Variants in TEX11 observed in about 807,000 individuals in gnomAD.
TEX11 encodes testis-expressed protein 11.
Under a neutral mutation model 84.4 loss-of-function variants are expected in TEX11, and 7 were observed. That is an observed-to-expected ratio of 0.08 (90% CI 0.05 to 0.16). The LOEUF is 0.16. Ranked by LOEUF, TEX11 falls within the 10% of genes least tolerant of loss-of-function variation. The probability of loss-of-function intolerance (pLI) is 1.00; values close to 1 mark genes in which losing one functional copy is unlikely to be tolerated. For missense variants in TEX11, 551 were observed against 660.5 expected (o/e 0.83, Z 1.82); for synonymous variants, 264 against 222.8 (o/e 1.18, Z -1.64).
intron 11 of TEX11, among the ~76,000 whole-genome samples, chrX:70,726,060 T>C (rs2090597929): frequency 8.9e-6 from 1 of 112,411 alleles, no homozygotes; most frequent in Non-Finnish European, 1.9e-5. Flanking sequence ...GGCTTGCAAA[T>C]ATAGATGACA....
intron 8 of TEX11, among the ~76,000 whole-genome samples, chrX:70,815,170 C>T (rs1217351092): frequency 8.9e-6 from 1 of 112,069 alleles, no homozygotes; most frequent in East Asian, 2.8e-4. Flanking sequence ...AGATCATGAG[C>T]ATTGTCTTGA....
At chrX:70,583,107 T>C (rs1419400333) in intron 25 of TEX11, among the ~76,000 whole-genome samples, 1 of 111,515 alleles carries the variant, frequency 9.0e-6, no homozygotes, top group African/African-American at 3.3e-5. Flanking sequence ...TTTATTTTTA[T>C]TTTTAATTTA....
At chrX:70,809,845 C>T (rs190209072) in intron 8 of TEX11, among the ~76,000 whole-genome samples, 324 of 111,033 alleles carry the variant, frequency 2.9e-3, no homozygotes, top group African/African-American at 7.6e-3. Flanking sequence ...TACAGGCACC[C>T]GCCACCAAGC....
intron 28 of TEX11, among the ~76,000 whole-genome samples, chrX:70,531,813 T>C (rs1022474441): frequency 5.4e-5 from 6 of 111,793 alleles, no homozygotes; most frequent in African/African-American, 2.0e-4. Context: ...ATGAACTAAA[T>C]CTCAATTAAA....
At chrX:70,907,246 GA>G (rs202010532) in intron 2 of TEX11, among the ~76,000 whole-genome samples, 2 of 106,136 alleles carry the variant, frequency 1.9e-5, no homozygotes, top group African/African-American at 6.9e-5. Context: ...TAAAAATCCT[GA>G]AAAAAAAACA....
intron 9 of TEX11, among the ~76,000 whole-genome samples, chrX:70,801,788 CT>C (rs1323346753): frequency 1.1e-4 from 12 of 109,220 alleles, no homozygotes. Flanking sequence ...ATTAAATATT[CT>C]CACCACACAC....
intron 25 of TEX11, among the ~76,000 whole-genome samples, chrX:70,563,775 G>T (rs1384175227): frequency 2.7e-5 from 3 of 112,566 alleles, no homozygotes; most frequent in African/African-American, 9.7e-5. Context: ...CATCTATTGA[G>T]ATTATTATAT....
chrX:70,815,719 G>A (rs924362862), intron 8 of TEX11, among the ~76,000 whole-genome samples: 7 of 110,864 alleles, frequency 6.3e-5, no homozygotes, highest in Non-Finnish European at 1.1e-4. Context: ...GGATAAGGGG[G>A]GACTACTGCA....
chrX:70,609,188 C>A lies in TEX11; in HGVS notation c.1793-11G>T. On this transcript the variant is annotated splice_polypyrimidine_tract_variant and intron_variant, in intron 21 of 29. Coordinates refer to ENST00000374333, the MANE Select transcript of TEX11 (RefSeq NM_031276.3). ...AAAGTTTCACAAAGGCTGCATCAAACAGGAAAATTTGATACTGATGGTCTT... is the reference window on the plus strand; with the variant it reads ...AAAGTTTCACAAAGGCTGCATCAAAAAGGAAAATTTGATACTGATGGTCTT... 3 of 1,198,275 alleles carry A rather than the reference C, an allele frequency of 2.5e-6. No homozygotes were observed. Among genetic ancestry groups the A allele is most frequent in the Non-Finnish European group, 3.4e-6 (3 of 887,293 alleles).
At position 70,609,066 on chromosome X, in the gene TEX11, C is replaced by T. The variant is rs2089229477; in HGVS notation, c.1879+25G>A. On this transcript the variant is annotated intron_variant, in intron 22 of 29. Coordinates refer to ENST00000374333, the MANE Select transcript of TEX11 (RefSeq NM_031276.3). Reference sequence around the variant, plus strand: ...TAATTCCACCACCCCACAATGTTTCCCAGAGCCACAGAATTTCCTCTTACC... The same window carrying T: ...TAATTCCACCACCCCACAATGTTTCTCAGAGCCACAGAATTTCCTCTTACC... 2.6e-6 allele frequency: 3 copies of T among 1,161,787 alleles called. No individual in the cohort carries two copies. In the Admixed American group the frequency reaches 7.0e-5, roughly 27 times the overall value.
chrX:70,852,033 A>G (rs1275571517), intron 7 of TEX11, among the ~76,000 whole-genome samples: 1 of 112,158 alleles, frequency 8.9e-6, no homozygotes, highest in Non-Finnish European at 1.9e-5. Context: ...GGTGACAAAC[A>G]TGTTTTAAAC....
chrX:70,603,740 G>T (rs888498471), intron 24 of TEX11, among the ~76,000 whole-genome samples: 7 of 110,843 alleles, frequency 6.3e-5, no homozygotes, highest in African/African-American at 2.3e-4. Context: ...CACAGCAAAA[G>T]AAACTACCAT....
chrX:70,620,532 T>A (rs940560538), intron 20 of TEX11, among the ~76,000 whole-genome samples: 3 of 111,800 alleles, frequency 2.7e-5, no homozygotes, highest in African/African-American at 9.8e-5. Flanking sequence ...ACAGCCACTT[T>A]GGAAGACAGT....
chrX:70,888,132 C>T (rs1030869215), intron 2 of TEX11, among the ~76,000 whole-genome samples: 25 of 112,524 alleles, frequency 2.2e-4, no homozygotes, highest in African/African-American at 7.7e-4. Flanking sequence ...GTAAAGATTG[C>T]AATAAAGACC....
intron 13 of TEX11, 73 bp from the exon 14 acceptor site, chrX:70,682,898 T>C: frequency 3.9e-6 from 4 of 1,028,048 alleles, no homozygotes; most frequent in Non-Finnish European, 5.3e-6. Flanking sequence ...CTAAAATGTA[T>C]TTCAGTGTGA....
intron 17 of TEX11, among the ~76,000 whole-genome samples, chrX:70,648,186 T>C (rs2089768887): frequency 9.0e-6 from 1 of 110,943 alleles, no homozygotes; most frequent in African/African-American, 3.3e-5. Context: ...CACCGCATAT[T>C]CTCACTCATA....
Position 70,740,719 on chromosome X carries a change from A to T in TEX11, c.825T>A (p.Ala275=). ...DTKYYDKALN[A]VNLANKEHLS... ...CCCATACCTTGTTTGCTAGGTTTAC[A>T]GCATTGAGAGCCTTATCATAATATT... The change falls in exon 11 of 30, where the codon GCT becomes GCA. Residue 275 remains alanine (A), a synonymous_variant. Transcript: ENST00000374333. 1 of 1,194,665 alleles carries T rather than the reference A, an allele frequency of 8.4e-7. No homozygotes were observed. Among genetic ancestry groups the T allele is most frequent in the East Asian group, 3.0e-5 (1 of 33,548 alleles).
At chrX:70,553,952 A>C (rs902733222) in intron 26 of TEX11, among the ~76,000 whole-genome samples, 2 of 111,711 alleles carry the variant, frequency 1.8e-5, no homozygotes, top group African/African-American at 6.5e-5. Flanking sequence ...ATGTCCATAA[A>C]GTATATATCA....
rs749630360 is a variant in TEX11 at position 70,806,799 on chromosome X, TA to T, written c.607-10del. On this transcript the variant is annotated splice_polypyrimidine_tract_variant and intron_variant, in intron 8 of 29. Transcript: ENST00000374333. ...TGATGAAGACTTGAAGTCTGCAATA[TA>T]AAAAAAATGCATTAGATTCATGATT... is the stretch of plus-strand genomic sequence containing the variant. The T allele has an allele frequency of 7.0e-5, 78 of 1,116,630 alleles. No individual in the cohort carries two copies. Among genetic ancestry groups the T allele is most frequent in the Admixed American group, 1.5e-4 (6 of 39,924 alleles). 92.0% of individuals were successfully genotyped at this position (1,116,630 alleles called of 1,213,427 possible). A position where few individuals can be genotyped will look rare whatever the true frequency, so the allele number is the denominator to read the frequency against.
Sources: gnomAD v4.1 joint callset for allele counts (sites outside exome capture counted in the v4.1 genomes callset) on GRCh38, gnomAD v4.1.1 for gene constraint, MANE v1.5 for transcripts, NCBI Gene and HGNC (gene_info 2026-07-23, HGNC 2026-07-21) for gene names.